The following CMIP variants were observed in gnomAD, a reference collection of about 807,000 sequenced individuals.
CMIP encodes c-Maf inducing protein, also known as C-Maf-inducing protein.
A neutral mutation model predicts 97.3 loss-of-function variants in CMIP; 13 were observed. The ratio of observed to expected loss-of-function variants is 0.13; its 90% CI spans 0.09 to 0.21. The LOEUF is 0.21. Ranked by LOEUF, CMIP falls within the 10% of genes least tolerant of loss-of-function variation. The pLI is 1.00. For synonymous variants in CMIP, 538 were observed against 436.3 expected, an observed-to-expected ratio of 1.23 and a Z score of -2.91; for missense variants, 847 against 1,024.9, an observed-to-expected ratio of 0.83 and a Z score of 2.37.
At chr16:81,495,374 A>C (rs1255358061) in intron 1 of CMIP, 1 of 1,519,052 alleles carries the variant, frequency 6.6e-7, no homozygotes, top group Non-Finnish European at 8.9e-7. Flanking sequence ...CTGGGCGTGC[A>C]TGGCATAACC....
chr16:81,556,506 T>A (rs2090767239), intron 1 of CMIP, among the ~76,000 whole-genome samples: 1 of 152,202 alleles, frequency 6.6e-6, no homozygotes, highest in African/African-American at 2.4e-5. Flanking sequence ...CGATTACTAT[T>A]TTCCGTTGTT....
At chr16:81,486,634 T>C (rs1380718522) in intron 1 of CMIP, among the ~76,000 whole-genome samples, 1 of 151,882 alleles carries the variant, frequency 6.6e-6, no homozygotes, top group East Asian at 1.9e-4. Context: ...GAGGCTGGAG[T>C]GGGCCGGCCC....
chr16:81,687,353 G>T (rs1212536274), intron 10 of CMIP, among the ~76,000 whole-genome samples: 2 of 152,198 alleles, frequency 1.3e-5, no homozygotes, highest in African/African-American at 4.8e-5. Context: ...GACTGCTCCA[G>T]TGGCCACCCC....
intron 3 of CMIP, among the ~76,000 whole-genome samples, chr16:81,624,102 TC>T (rs1227730568): frequency 4.0e-5 from 6 of 148,466 alleles, no homozygotes; most frequent in African/African-American, 1.5e-4. Context: ...CTTCCTTGTT[TC>T]TTTTCTCTTT....
chr16:81,492,932 C>G (rs940286492), intron 1 of CMIP, among the ~76,000 whole-genome samples: 1 of 151,858 alleles, frequency 6.6e-6, no homozygotes, highest in Non-Finnish European at 1.5e-5. Context: ...AGGGAGCGGC[C>G]GAAGAGGAGG....
intron 6 of CMIP, among the ~76,000 whole-genome samples, chr16:81,663,777 C>T (rs1308055052): frequency 2.0e-5 from 3 of 152,260 alleles, no homozygotes; most frequent in African/African-American, 4.8e-5. Context: ...GGTAGAAATG[C>T]AGGCACCTGG....
chr16:81,651,096 T>C (rs556593365), intron 3 of CMIP: 1 of 152,428 alleles, frequency 6.6e-6, no homozygotes, highest in African/African-American at 2.4e-5. Flanking sequence ...CCCCTCCTCT[T>C]TCTGACTTTG....
intron 1 of CMIP, among the ~76,000 whole-genome samples, chr16:81,486,978 G>A (rs1006323178): frequency 6.6e-6 from 1 of 152,274 alleles, no homozygotes; most frequent in Admixed American, 6.5e-5. Context: ...ACTGGGCGTT[G>A]AGCGCCGTGA....
chr16:81,673,882 A>T (rs2092705221), intron 9 of CMIP, among the ~76,000 whole-genome samples: 1 of 152,136 alleles, frequency 6.6e-6, no homozygotes, highest in Non-Finnish European at 1.5e-5. Flanking sequence ...ATGAGTCCAG[A>T]CCCCACCAGA....
intron 3 of CMIP, among the ~76,000 whole-genome samples, chr16:81,636,997 T>G (rs1597176524): frequency 1.3e-5 from 2 of 152,364 alleles, no homozygotes; most frequent in Admixed American, 6.5e-5. Context: ...TTTTAACTGC[T>G]GTTTGCTGTT....
At chr16:81,559,131 G>A (rs371944663) in intron 1 of CMIP, among the ~76,000 whole-genome samples, 1 of 151,532 alleles carries the variant, frequency 6.6e-6, no homozygotes, top group Non-Finnish European at 1.5e-5. Flanking sequence ...TCCACAGGCC[G>A]GGCATGCTGG....
chr16:81,521,012 G>A (rs1438434921), intron 1 of CMIP, among the ~76,000 whole-genome samples: 1 of 152,198 alleles, frequency 6.6e-6, no homozygotes, highest in Non-Finnish European at 1.5e-5. Context: ...CGCCCCCTGG[G>A]CTCTTCACTG....
chr16:81,531,042 G>A (rs2090224957), intron 1 of CMIP, among the ~76,000 whole-genome samples: 1 of 152,202 alleles, frequency 6.6e-6, no homozygotes, highest in Non-Finnish European at 1.5e-5. Context: ...CGTTTACGCT[G>A]TAGTCTCTGT....
At chr16:81,547,315 G>A (rs2090566485) in intron 1 of CMIP, among the ~76,000 whole-genome samples, 1 of 152,168 alleles carries the variant, frequency 6.6e-6, no homozygotes, top group South Asian at 2.1e-4. Context: ...TGCAGCGAGG[G>A]TGACTCTGGA....
chr16:81,584,552 G>A (rs1309565583), intron 1 of CMIP, among the ~76,000 whole-genome samples: 1 of 152,182 alleles, frequency 6.6e-6, no homozygotes, highest in African/African-American at 2.4e-5. Context: ...AGAGTAGTCT[G>A]TGAGAATGGC....
At chr16:81,521,783 T>C (rs1017424816) in intron 1 of CMIP, among the ~76,000 whole-genome samples, 1 of 152,142 alleles carries the variant, frequency 6.6e-6, no homozygotes, top group African/African-American at 2.4e-5. Flanking sequence ...GGGGGTCAGT[T>C]GGGTTTTCAA....
At chr16:81,525,170 G>A (rs1472437214) in intron 1 of CMIP, among the ~76,000 whole-genome samples, 2 of 151,112 alleles carry the variant, frequency 1.3e-5, no homozygotes. Context: ...TTGAGATGGA[G>A]TCTTGCTCAG....
intron 4 of CMIP, among the ~76,000 whole-genome samples, chr16:81,653,463 G>A (rs1203458601): frequency 6.6e-6 from 1 of 152,278 alleles, no homozygotes; most frequent in Non-Finnish European, 1.5e-5. Context: ...GAGGGACAGA[G>A]GTCAGAGGTG....
At chr16:81,626,511 ATGTGTG>A (rs770772362) in intron 3 of CMIP, among the ~76,000 whole-genome samples, 2 of 129,462 alleles carry the variant, frequency 1.5e-5, no homozygotes, top group South Asian at 2.5e-4. Flanking sequence ...GTGACTGAGC[ATGTGTG>A]TGTGTGGTGT....
Sources: gnomAD v4.1 joint callset for allele counts (sites outside exome capture counted in the v4.1 genomes callset) on GRCh38, gnomAD v4.1.1 for gene constraint, MANE v1.5 for transcripts, NCBI Gene and HGNC (gene_info 2026-07-23, HGNC 2026-07-21) for gene names.